CNDP1: variants seen among roughly 807,000 people sequenced by gnomAD.
CNDP1 encodes the protein beta-Ala-His dipeptidase.
CNDP1 carries 44 observed loss-of-function variants against 58.1 expected under a neutral mutation model. That is an observed-to-expected ratio of 0.76 (90% CI 0.60 to 0.97). The LOEUF (loss-of-function observed/expected upper bound fraction) is 0.97, where lower values mean the gene tolerates loss of function less well. Ranked by LOEUF, CNDP1 falls within the 50% of genes least tolerant of loss-of-function variation. The probability of loss-of-function intolerance (pLI) is 0.00; values close to 1 mark genes in which losing one functional copy is unlikely to be tolerated. For missense variants in CNDP1, 616 were observed against 655.1 expected (o/e 0.94, Z 0.65); for synonymous variants, 254 against 252.6 (o/e 1.01, Z -0.05).
Position 74,584,693 on chromosome 18 carries a change from G to A in CNDP1, c.*131G>A. On this transcript the variant is annotated 3_prime_UTR_variant, in exon 12 of 12. Transcript: ENST00000358821. ...GTACATTTTCCCTTCCATTTAAAAT[G>A]TCTTGGGATATCTGGATCAGTAATA... 1.4e-6 allele frequency: 1 copy of A among 702,344 alleles called. No individual in the cohort carries two copies. The highest frequency in any genetic ancestry group is 2.5e-6 in the Non-Finnish European group (1 of 397,162). The allele number at this position is 702,344 out of a possible 1,614,324, so 43.5% of individuals were successfully genotyped here. A position where few individuals can be genotyped will look rare whatever the true frequency, so the allele number is the denominator to read the frequency against.
intron 1 of CNDP1, among the ~76,000 whole-genome samples, chr18:74,553,942 C>A (rs1326649607): frequency 2.0e-5 from 3 of 152,226 alleles, no homozygotes; most frequent in Non-Finnish European, 4.4e-5. Flanking sequence ...GGTGAGCTCT[C>A]TGTCCTCTCA....
intron 5 of CNDP1, among the ~76,000 whole-genome samples, chr18:74,566,023 C>T (rs879733200): frequency 1.2e-4 from 19 of 152,362 alleles, no homozygotes; most frequent in Admixed American, 1.2e-3. Context: ...TGTGCACCCG[C>T]AGGCTCAACA....
intron 2 of CNDP1, among the ~76,000 whole-genome samples, chr18:74,559,121 T>TTCTGGCTTCTATACTAACCAGGCGCC (rs1981118673): frequency 1.3e-5 from 2 of 152,214 alleles, no homozygotes; most frequent in South Asian, 4.1e-4. Flanking sequence ...CGCCTCTGGC[T>TTCTGGCTTCTATACTAACCAGGCGCC]TCTGGGTTCC....
chr18:74,566,867 C>T (rs897094879), intron 5 of CNDP1, among the ~76,000 whole-genome samples: 3 of 152,170 alleles, frequency 2.0e-5, no homozygotes, highest in Non-Finnish European at 4.4e-5. Context: ...AGTCCATTTT[C>T]ATGCTGTTGA....
chr18:74,567,561 A>AG (rs1981363048), intron 6 of CNDP1, 128 bp downstream of exon 6: 1 of 804,402 alleles, frequency 1.2e-6, no homozygotes, highest in Non-Finnish European at 2.0e-6. Context: ...CCTGGGACAC[A>AG]CGGCCTCAGG....
At chr18:74,583,514 G>T in intron 10 of CNDP1, 47 bp from the exon 11 acceptor site, 2 of 1,544,580 alleles carry the variant, frequency 1.3e-6, no homozygotes, top group Non-Finnish European at 1.8e-6. Flanking sequence ...CTTCCTGGGG[G>T]TGTTCTTGTC....
At chr18:74,566,471 T>C (rs1233342988) in intron 5 of CNDP1, among the ~76,000 whole-genome samples, 1 of 152,244 alleles carries the variant, frequency 6.6e-6, no homozygotes, top group African/African-American at 2.4e-5. Flanking sequence ...GAATGCTTTG[T>C]TGCTTTGACA....
intron 6 of CNDP1, among the ~76,000 whole-genome samples, chr18:74,568,091 TGATAGTGCATAA>T (rs1981376651): frequency 6.6e-6 from 1 of 152,182 alleles, no homozygotes; most frequent in African/African-American, 2.4e-5. Context: ...AGGCAATCTG[TGATAGTGCATAA>T]GACATAGAAA....
chr18:74,578,092 TG>T, intron 8 of CNDP1, 70 bp from the exon 9 acceptor site: 1 of 1,379,138 alleles, frequency 7.3e-7, no homozygotes, highest in Non-Finnish European at 1.0e-6. Context: ...AGGCAGAGGG[TG>T]GTAACACAAG....
chr18:74,567,970 G>T (rs1329108322), intron 6 of CNDP1, among the ~76,000 whole-genome samples: 1 of 152,206 alleles, frequency 6.6e-6, no homozygotes, highest in Non-Finnish European at 1.5e-5. Context: ...CACCTTGAAA[G>T]ATGGTACAAT....
Position 74,559,334 on chromosome 18 carries a change from G to T in CNDP1, c.165G>T (p.Glu55Asp). 6.2e-7 allele frequency: 1 copy of T among 1,614,136 alleles called. No homozygotes were observed. The highest frequency in any genetic ancestry group is 8.5e-7 in the Non-Finnish European group (1 of 1,180,030). ...HQDEFVQTLKEWVAIESDSVQ... is the reference protein window; with the variant it reads ...HQDEFVQTLKDWVAIESDSVQ... ...GCTCTTCCTCCTAGACGCTGAAGGA[G>T]TGGGTGGCCATCGAGAGCGACTCTG... is the stretch of plus-strand genomic sequence containing the variant. The change falls in exon 3 of 12, where the codon GAG becomes GAT. Residue 55 changes from glutamate (E) to aspartate (D), a missense_variant. Transcript: ENST00000358821.
intron 1 of CNDP1, among the ~76,000 whole-genome samples, chr18:74,550,640 G>C (rs2144646981): frequency 6.7e-6 from 1 of 148,226 alleles, no homozygotes; most frequent in South Asian, 2.2e-4. Context: ...GCAGTGGTGT[G>C]ATCTCGGCTC....
intron 8 of CNDP1, chr18:74,577,868 C>T (rs887865620): frequency 7.0e-6 from 2 of 285,020 alleles, no homozygotes; most frequent in Admixed American, 9.3e-5. Context: ...ACTGAACGTG[C>T]CCGATCTCGT....
At chr18:74,580,840 A>G (rs1030978844) in intron 10 of CNDP1, among the ~76,000 whole-genome samples, 2 of 152,182 alleles carry the variant, frequency 1.3e-5, no homozygotes, top group Non-Finnish European at 2.9e-5. Context: ...GTGGTGGCAC[A>G]TGCCTGTAGT....
chr18:74,567,029 A>G, intron 5 of CNDP1: 1 of 575,366 alleles, frequency 1.7e-6, no homozygotes, highest in Non-Finnish European at 3.1e-6. Flanking sequence ...AACCCCTGAT[A>G]AACCCATCAG....
At chr18:74,551,236 C>T (rs1469485178) in intron 1 of CNDP1, among the ~76,000 whole-genome samples, 1 of 151,880 alleles carries the variant, frequency 6.6e-6, no homozygotes, top group Non-Finnish European at 1.5e-5. Flanking sequence ...TCCTGTACAG[C>T]CTGCAGAACT....
At chr18:74,577,114 G>A in intron 8 of CNDP1, 85 bp downstream of exon 8, 1 of 1,209,028 alleles carries the variant, frequency 8.3e-7, no homozygotes, top group Non-Finnish European at 1.1e-6. Context: ...ATTGTCTGGT[G>A]CTAATCTCCG....
chr18:74,556,249 T>C (rs1017857451), intron 1 of CNDP1, 89 bp from the exon 2 acceptor site: 220 of 1,444,486 alleles, frequency 1.5e-4, no homozygotes, highest in Middle Eastern at 4.9e-4. Flanking sequence ...CTGTGTGAGG[T>C]AACAGACCTT....
At chr18:74,543,447 C>T (rs1427740721) in intron 1 of CNDP1, among the ~76,000 whole-genome samples, 2 of 152,040 alleles carry the variant, frequency 1.3e-5, no homozygotes, top group African/African-American at 4.8e-5. Context: ...GAACGATGAT[C>T]ACACCACTGT....
Sources: allele counts gnomAD v4.1 joint callset (sites outside exome capture counted in the v4.1 genomes callset), GRCh38; gene constraint gnomAD v4.1.1; transcripts MANE v1.5; gene names NCBI Gene and HGNC (gene_info 2026-07-23, HGNC 2026-07-21).